GALNT2: variants seen among roughly 807,000 people sequenced by gnomAD.
GALNT2 encodes the protein UDP-GalNAc:polypeptide N-acetylgalactosaminyltransferase 2.
GALNT2 carries 31 observed loss-of-function variants against 81.4 expected under a neutral mutation model. That is an observed-to-expected ratio of 0.38 (90% CI 0.29 to 0.51). The LOEUF is 0.51. Among genes scored for constraint, GALNT2 ranks in the 20% least tolerant of loss-of-function variants. The pLI is 0.87. For synonymous variants in GALNT2, 303 were observed against 287.4 expected (o/e 1.05, Z -0.55); for missense variants, 629 against 765.7 (o/e 0.82, Z 2.11).
chr1:230,075,406 C>T (rs1659513428), intron 1 of GALNT2, among the ~76,000 whole-genome samples: 1 of 152,206 alleles, frequency 6.6e-6, no homozygotes, highest in Non-Finnish European at 1.5e-5. Flanking sequence ...CAGGCGTGAG[C>T]CACCGTGCCC....
intron 1 of GALNT2, among the ~76,000 whole-genome samples, chr1:230,165,961 A>T (rs905590658): frequency 5.9e-5 from 9 of 152,198 alleles, no homozygotes; most frequent in African/African-American, 2.2e-4. Flanking sequence ...AGAGCTTGCA[A>T]CTGTGGAAAG....
At chr1:230,112,838 G>A (rs1180102640) in intron 1 of GALNT2, among the ~76,000 whole-genome samples, 1 of 152,120 alleles carries the variant, frequency 6.6e-6, no homozygotes, top group African/African-American at 2.4e-5. Flanking sequence ...TCCACTCTTG[G>A]GCTGTGAGCC....
At chr1:230,121,454 C>G (rs1661013062) in intron 1 of GALNT2, among the ~76,000 whole-genome samples, 1 of 152,206 alleles carries the variant, frequency 6.6e-6, no homozygotes, top group African/African-American at 2.4e-5. Flanking sequence ...GTTTCTGTCT[C>G]CATCCTGGTT....
chr1:230,194,270 G>A (rs1663618635), intron 2 of GALNT2, among the ~76,000 whole-genome samples: 1 of 152,222 alleles, frequency 6.6e-6, no homozygotes, highest in African/African-American at 2.4e-5. Context: ...GTGTAACCCA[G>A]GGAGCAGTGG....
At chr1:230,265,113 C>T (rs1665994486) in intron 13 of GALNT2, 128 bp from the exon 14 acceptor site, 3 of 1,231,148 alleles carry the variant, frequency 2.4e-6, no homozygotes, top group Admixed American at 1.8e-5. Flanking sequence ...GGAAGAGGCA[C>T]GATGCCTAGT....
At position 230,244,488 on chromosome 1, in the gene GALNT2, C is replaced by G. The variant is rs534358901; in HGVS notation, c.729+1061C>G. 1.3e-4 allele frequency among the ~76,000 whole-genome samples: 19 copies of G among 151,040 alleles called. No homozygotes were observed. In the East Asian group the frequency reaches 3.7e-3, roughly 30 times the overall value. On this transcript the variant is annotated intron_variant, in intron 7 of 15. Transcript: ENST00000366672. ...CCTGGAATCCCCACCCACCCCAACC[C>G]CACAACTTCTTGCTCTCCCTGGCTA...
intron 1 of GALNT2, among the ~76,000 whole-genome samples, chr1:230,140,831 G>C (rs1661707181): frequency 6.6e-6 from 1 of 152,178 alleles, no homozygotes. Flanking sequence ...ACTCCCAGTA[G>C]TATATGCCAT....
upstream of GALNT2, among the ~76,000 whole-genome samples, chr1:230,063,053 C>T (rs953049840): frequency 6.6e-6 from 1 of 151,988 alleles, no homozygotes; most frequent in South Asian, 2.1e-4. Context: ...TGGCTCACAC[C>T]TGTAATCCCA....
rs1666409096 is a variant in GALNT2, at chr1:230,280,544, T to C, written c.*1086T>C. ...ATGCCAGGCAGCTGTCACACGCTAG[T>C]ATTGGCTTCATTGTGATCTGAGCCC... On this transcript the variant is annotated 3_prime_UTR_variant, in exon 16 of 16. Transcript: ENST00000366672. The C allele has an allele frequency of 6.3e-6, 1 of 158,760 alleles. No individual in the cohort carries two copies. The highest frequency in any genetic ancestry group is 1.4e-5 in the Non-Finnish European group (1 of 71,422). 9.8% of individuals were successfully genotyped at this position (158,760 alleles called of 1,614,324 possible).
chr1:230,235,094 A>C (rs1344686792), intron 3 of GALNT2, among the ~76,000 whole-genome samples: 1 of 151,698 alleles, frequency 6.6e-6, no homozygotes, highest in Admixed American at 6.6e-5. Context: ...CACACCTGTA[A>C]TCCCAGCTAC....
chr1:230,242,816 C>G (rs1027208324), intron 6 of GALNT2, among the ~76,000 whole-genome samples: 2 of 152,218 alleles, frequency 1.3e-5, no homozygotes, highest in African/African-American at 4.8e-5. Flanking sequence ...AAAAGGCAGA[C>G]AGCAGGGCTT....
chr1:230,272,765 C>T (rs189802007), intron 14 of GALNT2, among the ~76,000 whole-genome samples: 5 of 151,466 alleles, frequency 3.3e-5, no homozygotes, highest in Admixed American at 2.0e-4. Flanking sequence ...TGGTTTGGTT[C>T]GGTTCGGTTC....
intron 1 of GALNT2, among the ~76,000 whole-genome samples, chr1:230,079,708 G>A (rs560305574): frequency 7.0e-4 from 106 of 152,314 alleles, no homozygotes; most frequent in African/African-American, 2.3e-3. Context: ...GCAGAGAGCC[G>A]GGAGGAGAAT....
intron 1 of GALNT2, among the ~76,000 whole-genome samples, chr1:230,096,246 G>T (rs114470886): frequency 6.6e-6 from 1 of 152,204 alleles, no homozygotes; most frequent in Non-Finnish European, 1.5e-5. Context: ...CTTTTAAGAC[G>T]ATTCTAGTTA....
intron 1 of GALNT2, among the ~76,000 whole-genome samples, chr1:230,071,989 C>T (rs1659390058): frequency 6.6e-6 from 1 of 152,154 alleles, no homozygotes; most frequent in Non-Finnish European, 1.5e-5. Flanking sequence ...GTGGGGTCAG[C>T]TTGCCCAGGC....
At chr1:230,058,492 C>G (rs1193034989) in intron 1 of GALNT2, among the ~76,000 whole-genome samples, 1 of 152,168 alleles carries the variant, frequency 6.6e-6, no homozygotes, top group Non-Finnish European at 1.5e-5. Flanking sequence ...TGCCAAGTGC[C>G]TCCTAGTGAC....
intron 3 of GALNT2, among the ~76,000 whole-genome samples, chr1:230,228,389 C>G (rs551434237): frequency 1.3e-5 from 2 of 151,976 alleles, no homozygotes; most frequent in Admixed American, 1.3e-4. Flanking sequence ...TACTGCTGAG[C>G]CACATTCATT....
intron 13 of GALNT2, chr1:230,263,221 T>C (rs1431038282): frequency 1.8e-6 from 1 of 555,692 alleles, no homozygotes; most frequent in Non-Finnish European, 3.2e-6. Flanking sequence ...TGCCCTCCCA[T>C]GCTTCGGAGT....
At chr1:230,173,012 T>A (rs1390314487) in intron 1 of GALNT2, among the ~76,000 whole-genome samples, 3 of 152,218 alleles carry the variant, frequency 2.0e-5, no homozygotes, top group Non-Finnish European at 4.4e-5. Context: ...CATTTGTGCC[T>A]CTGTTGTGTG....
Sources: allele counts gnomAD v4.1 joint callset (sites outside exome capture counted in the v4.1 genomes callset), GRCh38; gene constraint gnomAD v4.1.1; transcripts MANE v1.5; gene names NCBI Gene and HGNC (gene_info 2026-07-23, HGNC 2026-07-21).